The following ZNF746 variants were observed in gnomAD, a reference collection of about 807,000 sequenced individuals.
ZNF746 encodes the protein zinc finger protein 746.
In ZNF746, 13 loss-of-function variants were observed where a neutral mutation model predicts 41.0. The observed-to-expected ratio is 0.32, with a 90% CI of 0.21 to 0.50. ZNF746 has a LOEUF of 0.50. Ranked by LOEUF, ZNF746 falls within the 20% of genes least tolerant of loss-of-function variation. The probability of loss-of-function intolerance (pLI) is 0.98; values close to 1 mark genes in which losing one functional copy is unlikely to be tolerated. For synonymous variants in ZNF746, 424 were observed against 396.2 expected, an observed-to-expected ratio of 1.07 and a Z score of -0.83; for missense variants, 811 against 922.9, an observed-to-expected ratio of 0.88 and a Z score of 1.57.
chr7:149,475,741 C>G (rs1355162566), intron 6 of ZNF746, among the ~76,000 whole-genome samples: 1 of 152,204 alleles, frequency 6.6e-6, no homozygotes, highest in Non-Finnish European at 1.5e-5. Context: ...TTCAGTTTGG[C>G]TGTTAAGGCT....
Position 149,497,640 on chromosome 7 carries a change from G to A in ZNF746, c.-104C>T. On this transcript the variant is annotated 5_prime_UTR_variant, in exon 1 of 7. Transcript: ENST00000458143. This position sits in a 1 kb window ranked among gnomAD's most constrained non-coding sequence, Gnocchi z 4.2. ...CCGGTGCTCTCCGCAGGCGGCGCCT[G>A]CCTGGCCTTTCCTCTGCCGCCGCTC... is the stretch of plus-strand genomic sequence containing the variant. The A allele has an allele frequency of 3.3e-6, 3 of 906,994 alleles. No homozygotes were observed. Among genetic ancestry groups the A allele is most frequent in the Non-Finnish European group, 4.0e-6 (3 of 753,458 alleles). The allele number at this position is 906,994 out of a possible 1,614,324, so 56.2% of individuals were successfully genotyped here.
At chr7:149,496,021 C>G (rs1200572714) in intron 1 of ZNF746, among the ~76,000 whole-genome samples, 1 of 152,118 alleles carries the variant, frequency 6.6e-6, no homozygotes, top group Non-Finnish European at 1.5e-5. Context: ...TCCCTCACCT[C>G]TCCTTTCTCA....
chr7:149,489,202 G>A (rs1197161678), intron 4 of ZNF746: 1 of 143,864 alleles, frequency 7.0e-6, no homozygotes, highest in African/African-American at 2.6e-5. Flanking sequence ...GACCTAAAAA[G>A]GAATTTAAAT....
At chr7:149,496,766 C>T (rs1251364644) in intron 1 of ZNF746, 8 of 969,386 alleles carry the variant, frequency 8.3e-6, no homozygotes, top group African/African-American at 1.8e-5. Flanking sequence ...CTCCTTCCCC[C>T]GGAGCCCACC....
At chr7:149,487,288 TA>T (rs1800657010) in intron 4 of ZNF746, among the ~76,000 whole-genome samples, 1 of 152,176 alleles carries the variant, frequency 6.6e-6, no homozygotes, top group African/African-American at 2.4e-5. Flanking sequence ...ACAATATTTT[TA>T]AAAAGGAGAA....
At chr7:149,479,650 T>C (rs1222580339) in intron 4 of ZNF746, among the ~76,000 whole-genome samples, 1 of 152,176 alleles carries the variant, frequency 6.6e-6, no homozygotes, top group Non-Finnish European at 1.5e-5. Flanking sequence ...TCTCAACAGA[T>C]GTAAAAACAG....
intron 5 of ZNF746, 78 bp downstream of exon 5, chr7:149,477,486 C>G: frequency 6.8e-7 from 1 of 1,475,258 alleles, no homozygotes; most frequent in Non-Finnish European, 9.2e-7. Context: ...ACAGCTCCCC[C>G]ATGCTGCCAC....
chr7:149,478,928 A>G (rs1017781872), intron 4 of ZNF746, among the ~76,000 whole-genome samples: 3 of 152,250 alleles, frequency 2.0e-5, no homozygotes, highest in African/African-American at 4.8e-5. Flanking sequence ...GAACACAGCT[A>G]GAGAGAATAT....
In ZNF746 at chr7:149,474,975, G is replaced by C. The variant is rs1182821750; in HGVS notation, c.1392C>G (p.Pro464=). ...PGLKKHPAAP[P]GGRPFTCATC... ...TGGCGCAGGTGAAGGGCCGGCCCCC[G>C]GGGGGCGCCGCGGGGTGCTTCTTCA... Residue 464 remains proline, a synonymous_variant, in exon 7 of 7, where the codon CCC becomes CCG. Transcript: ENST00000458143. This position sits in a 1 kb window ranked among gnomAD's most constrained non-coding sequence, Gnocchi z 6.3. 1.9e-6 allele frequency: 3 copies of C among 1,547,522 alleles called. No individual in the cohort carries two copies. Among genetic ancestry groups the C allele is most frequent in the Non-Finnish European group, 2.6e-6 (3 of 1,146,370 alleles).
At chr7:149,477,794 C>G in intron 4 of ZNF746, 39 bp from the exon 5 acceptor site, 1 of 1,531,438 alleles carries the variant, frequency 6.5e-7, no homozygotes, top group Non-Finnish European at 8.9e-7. Flanking sequence ...AGCATCACGG[C>G]CCCTCAGCCC....
chr7:149,495,038 C>G (rs564461456), intron 1 of ZNF746, among the ~76,000 whole-genome samples: 1 of 152,178 alleles, frequency 6.6e-6, no homozygotes, highest in East Asian at 1.9e-4. Flanking sequence ...GAGTATTGCT[C>G]AATTTCTTTT....
At chr7:149,482,044 G>A (rs1016701154) in intron 4 of ZNF746, among the ~76,000 whole-genome samples, 10 of 152,160 alleles carry the variant, frequency 6.6e-5, no homozygotes, top group African/African-American at 9.7e-5. Flanking sequence ...TTACTTCAAC[G>A]TATAATCAAT....
chr7:149,476,313 C>CAAAA lies in ZNF746; in HGVS notation c.883+605_883+608dup, dbSNP rs55888950. 2.6e-3 allele frequency among the ~76,000 whole-genome samples: 166 copies of CAAAA among 63,322 alleles called. 4 individuals carry two copies. The highest frequency in any genetic ancestry group is 0.013 in the East Asian group (29 of 2,242). The allele number at this position is 63,322 out of a possible 152,430, so 41.5% of individuals were successfully genotyped here. A position where few individuals can be genotyped will look rare whatever the true frequency, so the allele number is the denominator to read the frequency against. ...TGGGGGACAGAGTGAGACTCCGCCT[C>CAAAA]AAAAAAAAAAAAAAAAAAAAAAAAA... On this transcript the variant is annotated intron_variant, in intron 6 of 6. Coordinates refer to ENST00000458143, the MANE Select transcript of ZNF746 (RefSeq NM_001394198.1).
rs76690798 is a variant in ZNF746, at chr7:149,474,513, C to T, written c.1854G>A (p.Pro618=). 519 of 1,609,784 alleles carry T rather than the reference C, an allele frequency of 3.2e-4. 2 individuals carry two copies. In the African/African-American group the frequency reaches 6.1e-3, roughly 19 times the overall value. ...AKTPARGQPL[P]TPPAPPDPFK... ...AGGGATCAGGAGGTGCGGGCGGCGT[C>T]GGGAGTGGCTGGCCTCGGGCCGGGG... Residue 618 remains proline, a synonymous_variant, in exon 7 of 7, where the codon CCG becomes CCA. Coordinates refer to ENST00000458143, the MANE Select transcript of ZNF746 (RefSeq NM_001394198.1). This position sits in a 1 kb window ranked among gnomAD's most constrained non-coding sequence, Gnocchi z 6.3.
intron 6 of ZNF746, 112 bp downstream of exon 6, chr7:149,476,810 T>C: frequency 6.9e-7 from 1 of 1,457,716 alleles, no homozygotes; most frequent in African/African-American, 1.4e-5. Flanking sequence ...GACACCCTAA[T>C]GTCTGTTGGC....
chr7:149,496,854 C>T, intron 1 of ZNF746: 1 of 985,400 alleles, frequency 1.0e-6, no homozygotes, highest in Non-Finnish European at 1.2e-6. Context: ...CCTGCCTGGT[C>T]CTTGAACACA....
At chr7:149,483,603 G>A (rs1253461297) in intron 4 of ZNF746, among the ~76,000 whole-genome samples, 2 of 150,596 alleles carry the variant, frequency 1.3e-5, no homozygotes, top group Non-Finnish European at 3.0e-5. Flanking sequence ...GAGACTCCGT[G>A]TAAAAAAATA....
intron 3 of ZNF746, among the ~76,000 whole-genome samples, chr7:149,493,755 T>G (rs1029115810): frequency 1.3e-5 from 2 of 152,164 alleles, no homozygotes; most frequent in African/African-American, 4.8e-5. Flanking sequence ...CGGGCCTGCG[T>G]AGGAGAGAAG....
intron 1 of ZNF746, among the ~76,000 whole-genome samples, chr7:149,496,512 T>G (rs1335858111): frequency 6.6e-6 from 1 of 152,172 alleles, no homozygotes; most frequent in African/African-American, 2.4e-5. Flanking sequence ...TGCAGACTCC[T>G]TTCCCACTGC....
Sources: allele counts gnomAD v4.1 joint callset (sites outside exome capture counted in the v4.1 genomes callset), GRCh38; gene constraint gnomAD v4.1.1; non-coding constraint Gnocchi (gnomAD v3.1); transcripts MANE v1.5; gene names NCBI Gene and HGNC (gene_info 2026-07-23, HGNC 2026-07-21).